The following IMMP2L variants were observed in gnomAD, a reference collection of about 807,000 sequenced individuals.
IMMP2L encodes the protein mitochondrial inner membrane protease subunit 2.
A neutral mutation model predicts 19.3 loss-of-function variants in IMMP2L; 18 were observed. That is an observed-to-expected ratio of 0.93 (90% confidence interval 0.64 to 1.38). The LOEUF is 1.38. IMMP2L is among the 40% of genes most tolerant of loss of function. The probability of loss-of-function intolerance (pLI) is 0.00; values close to 1 mark genes in which losing one functional copy is unlikely to be tolerated. For synonymous variants in IMMP2L, 76 were observed against 73.0 expected (o/e 1.04, Z -0.21); for missense variants, 233 against 218.2 (o/e 1.07, Z -0.43).
chr7:111,269,801 G>A (rs963898595), intron 3 of IMMP2L, among the ~76,000 whole-genome samples: 3 of 152,056 alleles, frequency 2.0e-5, no homozygotes, highest in Non-Finnish European at 2.9e-5. Context: ...ACACAGAAAT[G>A]CTATCCTAAA....
chr7:110,941,556 A>G (rs1278123573), intron 4 of IMMP2L, among the ~76,000 whole-genome samples: 1 of 152,156 alleles, frequency 6.6e-6, no homozygotes, highest in Non-Finnish European at 1.5e-5. Context: ...TATTTAGAGA[A>G]TAATGCAGGA....
chr7:111,178,346 T>C (rs548620221), intron 3 of IMMP2L, among the ~76,000 whole-genome samples: 1 of 152,236 alleles, frequency 6.6e-6, no homozygotes, highest in East Asian at 1.9e-4. Flanking sequence ...CGGCCAGTTG[T>C]AATCCTTTAG....
At chr7:111,240,344 C>A (rs1814857834) in intron 3 of IMMP2L, among the ~76,000 whole-genome samples, 2 of 151,940 alleles carry the variant, frequency 1.3e-5, no homozygotes, top group South Asian at 4.1e-4. Flanking sequence ...GACATACAAT[C>A]TAACCATGGC....
chr7:111,146,204 A>G (rs1803449962), intron 3 of IMMP2L, among the ~76,000 whole-genome samples: 1 of 144,752 alleles, frequency 6.9e-6, no homozygotes, highest in African/African-American at 2.5e-5. Flanking sequence ...TCTTGTCAAT[A>G]TAACATGGTT....
intron 3 of IMMP2L, among the ~76,000 whole-genome samples, chr7:111,047,907 AT>A (rs1792566812): frequency 6.6e-6 from 1 of 152,130 alleles, no homozygotes. Flanking sequence ...AATGCCTGCC[AT>A]CCCCCCAAAA....
intron 3 of IMMP2L, among the ~76,000 whole-genome samples, chr7:111,063,490 A>T (rs1172525037): frequency 2.0e-5 from 3 of 152,148 alleles, no homozygotes; most frequent in Admixed American, 2.0e-4. Context: ...TTGGCTCCTC[A>T]CTACTTACGC....
intron 3 of IMMP2L, among the ~76,000 whole-genome samples, chr7:110,975,387 A>C (rs1820587797): frequency 6.6e-6 from 1 of 152,134 alleles, no homozygotes. Context: ...AGACTGTATC[A>C]TGGCTGTGGC....
In IMMP2L at chr7:111,562,102, T is replaced by A. The variant is rs372239654; in HGVS notation, c.-254A>T. On this transcript the variant is annotated 5_prime_UTR_variant, in exon 1 of 6. Transcript: ENST00000405709. ...TTTGTGAGGACTGGGAGAGGGCGCG[T>A]TGTTGGGGCGCCGGCTCGGCGGGGA... The A allele has an allele frequency of 2.6e-5, 4 of 152,158 alleles. No homozygotes were observed. Among genetic ancestry groups the A allele is most frequent in the Non-Finnish European group, 4.4e-5 (3 of 68,154 alleles). The allele number at this position is 152,158 out of a possible 1,614,324, so 9.4% of individuals were successfully genotyped here.
chr7:110,943,768 C>G (rs1412608324), intron 4 of IMMP2L, among the ~76,000 whole-genome samples: 1 of 151,912 alleles, frequency 6.6e-6, no homozygotes, highest in Non-Finnish European at 1.5e-5. Context: ...GACACGGGGC[C>G]CATTTAAGAC....
chr7:111,441,886 C>T (rs572647736), intron 3 of IMMP2L, among the ~76,000 whole-genome samples: 4 of 151,798 alleles, frequency 2.6e-5, no homozygotes, highest in African/African-American at 7.3e-5. Flanking sequence ...CACCTGTAAT[C>T]CCAGCACTTT....
chr7:110,910,196 A>G (rs1812906413), intron 4 of IMMP2L, among the ~76,000 whole-genome samples: 1 of 152,214 alleles, frequency 6.6e-6, no homozygotes, highest in Admixed American at 6.5e-5. Context: ...AGCAGCATAA[A>G]TGCAACAGAG....
At chr7:111,487,491 G>A in intron 2 of IMMP2L, 150 bp from the exon 3 acceptor site, 1 of 512,094 alleles carries the variant, frequency 2.0e-6, no homozygotes, top group Non-Finnish European at 3.5e-6. Flanking sequence ...TGCAAATGAT[G>A]AGTTTTCAAA....
At chr7:111,287,431 T>A (rs924456706) in intron 3 of IMMP2L, among the ~76,000 whole-genome samples, 1 of 152,162 alleles carries the variant, frequency 6.6e-6, no homozygotes, top group South Asian at 2.1e-4. Flanking sequence ...GGCTTTTGTA[T>A]TAAACACCAT....
chr7:110,847,623 GAGA>G, intron 5 of IMMP2L, among the ~76,000 whole-genome samples: 1 of 152,212 alleles, frequency 6.6e-6, no homozygotes, highest in East Asian at 1.9e-4. Context: ...AATATTGAAG[GAGA>G]AGAAGAACAT....
chr7:111,180,058 A>G (rs1807532758), intron 3 of IMMP2L, among the ~76,000 whole-genome samples: 1 of 151,938 alleles, frequency 6.6e-6, no homozygotes, highest in Non-Finnish European at 1.5e-5. Flanking sequence ...AGAACTCCCA[A>G]ACTTTCTCCA....
chr7:110,878,245 T>G (rs923716272), intron 5 of IMMP2L, among the ~76,000 whole-genome samples: 1 of 152,176 alleles, frequency 6.6e-6, no homozygotes, highest in South Asian at 2.1e-4. Flanking sequence ...TAAATTTACA[T>G]GTATGTAGTT....
chr7:110,775,215 C>A (rs545984398), intron 5 of IMMP2L, among the ~76,000 whole-genome samples: 20 of 148,506 alleles, frequency 1.3e-4, no homozygotes, highest in Non-Finnish European at 2.5e-4. Context: ...CTGCATTTTC[C>A]AAATATTTTA....
intron 3 of IMMP2L, among the ~76,000 whole-genome samples, chr7:111,109,581 G>A (rs1479346428): frequency 2.6e-5 from 4 of 152,114 alleles, no homozygotes; most frequent in Non-Finnish European, 5.9e-5. Flanking sequence ...CAAGGACCTG[G>A]AATAGAGTTC....
At chr7:110,978,659 T>TA (rs1044037105) in intron 3 of IMMP2L, among the ~76,000 whole-genome samples, 1 of 152,026 alleles carries the variant, frequency 6.6e-6, no homozygotes, top group Non-Finnish European at 1.5e-5. Flanking sequence ...ATTAATTGCT[T>TA]AAAAAAATCC....
Sources: gnomAD v4.1 joint callset for allele counts (sites outside exome capture counted in the v4.1 genomes callset) on GRCh38, gnomAD v4.1.1 for gene constraint, MANE v1.5 for transcripts, NCBI Gene and HGNC (gene_info 2026-07-23, HGNC 2026-07-21) for gene names.